The following QTMAN variants were observed in gnomAD, a reference collection of about 807,000 sequenced individuals.
QTMAN encodes the protein queuosine-tRNA mannosyltransferase, also known as tRNA-queuosine alpha-mannosyltransferase.
the QTMAN span, among the ~76,000 whole-genome samples, chr2:144,127,437 T>C: frequency 6.6e-6 from 1 of 152,116 alleles, no homozygotes; most frequent in South Asian, 2.1e-4. Flanking sequence ...TAAAAAGTTA[T>C]TGAATTGAAT....
At chr2:144,271,394 G>C in the QTMAN span, among the ~76,000 whole-genome samples, 2 of 152,102 alleles carry the variant, frequency 1.3e-5, no homozygotes, top group African/African-American at 4.8e-5. Flanking sequence ...CTTGGCTTCT[G>C]ATATTCTTTC....
the QTMAN span, among the ~76,000 whole-genome samples, chr2:144,058,932 C>A: frequency 6.6e-6 from 1 of 152,196 alleles, no homozygotes; most frequent in African/African-American, 2.4e-5. Flanking sequence ...TCAATGATTA[C>A]AATAACCTGA....
the QTMAN span, among the ~76,000 whole-genome samples, chr2:144,118,654 T>G: frequency 6.6e-6 from 1 of 151,646 alleles, no homozygotes; most frequent in Non-Finnish European, 1.5e-5. Context: ...GAGGCCGAGG[T>G]GGGTGGATCA....
At chr2:144,061,435 G>A in the QTMAN span, among the ~76,000 whole-genome samples, 22 of 152,234 alleles carry the variant, frequency 1.4e-4, no homozygotes, top group African/African-American at 5.3e-4. Context: ...TCTCCAATTT[G>A]TAAAACTATA....
At chr2:144,280,798 A>C in the QTMAN span, among the ~76,000 whole-genome samples, 1 of 152,098 alleles carries the variant, frequency 6.6e-6, no homozygotes, top group African/African-American at 2.4e-5. Context: ...GAGAAGGAAA[A>C]CCTTAAATGA....
chr2:143,963,537 A>C, the QTMAN span, among the ~76,000 whole-genome samples: 1 of 151,146 alleles, frequency 6.6e-6, no homozygotes, highest in Non-Finnish European at 1.5e-5. Context: ...AAAAGTTCTC[A>C]CTTCATACAT....
At chr2:144,095,567 G>A in the QTMAN span, among the ~76,000 whole-genome samples, 1 of 152,036 alleles carries the variant, frequency 6.6e-6, no homozygotes, top group Non-Finnish European at 1.5e-5. Context: ...CCTATCTCTT[G>A]AAAATGAGGA....
chr2:144,308,899 G>C, the QTMAN span, among the ~76,000 whole-genome samples: 404 of 152,194 alleles, frequency 2.7e-3, no homozygotes, highest in African/African-American at 9.3e-3. Flanking sequence ...GATATACAAA[G>C]ATATAAAGAA....
At chr2:143,953,005 A>C in the QTMAN span, among the ~76,000 whole-genome samples, 1 of 151,840 alleles carries the variant, frequency 6.6e-6, no homozygotes, top group Non-Finnish European at 1.5e-5. Flanking sequence ...TTGCTCTTTT[A>C]AAAGATTTTA....
chr2:144,165,166 T>C, the QTMAN span, among the ~76,000 whole-genome samples: 1 of 151,984 alleles, frequency 6.6e-6, no homozygotes, highest in Non-Finnish European at 1.5e-5. Context: ...GGTCAGGAGA[T>C]TGAGACCATA....
At chr2:144,196,412 CAAAT>C in the QTMAN span, among the ~76,000 whole-genome samples, 1 of 151,874 alleles carries the variant, frequency 6.6e-6, no homozygotes, top group East Asian at 1.9e-4. Context: ...AGTCTGAATA[CAAAT>C]AAATATCTGT....
the QTMAN span, among the ~76,000 whole-genome samples, chr2:144,169,358 C>T: frequency 1.3e-5 from 2 of 152,260 alleles, no homozygotes; most frequent in Non-Finnish European, 1.5e-5. Context: ...ATAATATACA[C>T]AACTTCAACA....
At chr2:144,287,303 C>T in the QTMAN span, among the ~76,000 whole-genome samples, 2 of 152,008 alleles carry the variant, frequency 1.3e-5, no homozygotes, top group Non-Finnish European at 2.9e-5. Flanking sequence ...GGCGTGGTGG[C>T]GTGCGCCTGT....
the QTMAN span, among the ~76,000 whole-genome samples, chr2:144,212,586 T>A: frequency 6.6e-6 from 1 of 152,112 alleles, no homozygotes; most frequent in Non-Finnish European, 1.5e-5. Context: ...AGAAAACCCA[T>A]GTCCTTTCTG....
At chr2:144,190,177 C>CA in the QTMAN span, among the ~76,000 whole-genome samples, 5 of 152,054 alleles carry the variant, frequency 3.3e-5, no homozygotes, top group Non-Finnish European at 7.4e-5. Context: ...AACAACTAGG[C>CA]AGAGTTCTGA....
the QTMAN span, among the ~76,000 whole-genome samples, chr2:143,976,924 G>C: frequency 6.6e-6 from 1 of 152,142 alleles, no homozygotes; most frequent in African/African-American, 2.4e-5. Flanking sequence ...AACTGGCTCT[G>C]CCTCTGTCTA....
chr2:144,037,739 A>T, the QTMAN span, among the ~76,000 whole-genome samples: 1 of 152,206 alleles, frequency 6.6e-6, no homozygotes, highest in South Asian at 2.1e-4. Flanking sequence ...TTTATGATCA[A>T]ACTCTTTAGA....
At chr2:144,121,465 TTCAG>T in the QTMAN span, among the ~76,000 whole-genome samples, 1 of 152,156 alleles carries the variant, frequency 6.6e-6, no homozygotes, top group African/African-American at 2.4e-5. Flanking sequence ...GCTGAACACA[TTCAG>T]TATGTCTGCC....
the QTMAN span, among the ~76,000 whole-genome samples, chr2:144,095,729 C>T: frequency 2.6e-5 from 4 of 152,110 alleles, no homozygotes; most frequent in African/African-American, 4.8e-5. Context: ...CTCCCACTTC[C>T]GCCAGCATTG....
Sources: allele counts gnomAD v4.1 joint callset (sites outside exome capture counted in the v4.1 genomes callset), GRCh38; gene constraint gnomAD v4.1.1; transcripts MANE v1.5; gene names NCBI Gene and HGNC (gene_info 2026-07-23, HGNC 2026-07-21).